AKT3: variants seen among roughly 807,000 people sequenced by gnomAD.
AKT3 encodes RAC-gamma serine/threonine-protein kinase.
Under a neutral mutation model 65.3 loss-of-function variants are expected in AKT3, and 15 were observed. The observed-to-expected ratio is 0.23, with a 90% confidence interval of 0.15 to 0.35. AKT3 has a LOEUF of 0.35. AKT3 is among the 10% of genes least tolerant of loss of function. The pLI is 1.00. For missense variants in AKT3, 243 were observed against 576.5 expected, an observed-to-expected ratio of 0.42 and a Z score of 5.92; for synonymous variants, 206 against 183.8, an observed-to-expected ratio of 1.12 and a Z score of -0.98.
chr1:243,585,511 C>G (rs1279088500), intron 8 of AKT3, among the ~76,000 whole-genome samples: 1 of 152,000 alleles, frequency 6.6e-6, no homozygotes, highest in Non-Finnish European at 1.5e-5. Context: ...CTACAGCAAC[C>G]AAAACAGCAT....
chr1:243,585,269 G>A (rs1185927263), intron 8 of AKT3, among the ~76,000 whole-genome samples: 9 of 152,058 alleles, frequency 5.9e-5, no homozygotes, highest in African/African-American at 2.2e-4. Context: ...TCCATGCTCA[G>A]GGACTGGAAG....
intron 4 of AKT3, among the ~76,000 whole-genome samples, chr1:243,655,961 G>A (rs1681750784): frequency 6.6e-6 from 1 of 152,140 alleles, no homozygotes; most frequent in Admixed American, 6.6e-5. Context: ...GCTCTCTGGT[G>A]TCTTTTTAAA....
At chr1:243,776,473 A>G (rs1465112351) in intron 2 of AKT3, among the ~76,000 whole-genome samples, 2 of 152,136 alleles carry the variant, frequency 1.3e-5, no homozygotes, top group Non-Finnish European at 2.9e-5. Flanking sequence ...GACCCAAAAG[A>G]GCTTGCTCAC....
At chr1:243,640,052 T>C (rs1351921180) in intron 5 of AKT3, among the ~76,000 whole-genome samples, 1 of 152,236 alleles carries the variant, frequency 6.6e-6, no homozygotes, top group African/African-American at 2.4e-5. Context: ...TTGCTGCTCA[T>C]ATTTTTTATA....
chr1:243,683,956 A>G (rs544594063), intron 3 of AKT3, among the ~76,000 whole-genome samples: 2 of 152,330 alleles, frequency 1.3e-5, no homozygotes, highest in South Asian at 4.1e-4. Flanking sequence ...TAAAAAGGGA[A>G]TAACAACAGT....
chr1:243,834,360 A>G (rs1411733898), intron 2 of AKT3, among the ~76,000 whole-genome samples: 1 of 152,188 alleles, frequency 6.6e-6, no homozygotes, highest in Non-Finnish European at 1.5e-5. Flanking sequence ...TTGCAGCAAC[A>G]TGGATGGAGC....
intron 2 of AKT3, among the ~76,000 whole-genome samples, chr1:243,773,202 T>TATA (rs1690307804): frequency 6.9e-6 from 1 of 144,448 alleles, no homozygotes; most frequent in African/African-American, 2.6e-5. Context: ...CATATATATA[T>TATA]AAAAAATATA....
At chr1:243,800,208 G>A (rs1474137000) in intron 2 of AKT3, among the ~76,000 whole-genome samples, 1 of 152,164 alleles carries the variant, frequency 6.6e-6, no homozygotes, top group African/African-American at 2.4e-5. Context: ...CTTGCTAGGT[G>A]TACAACCTTA....
At chr1:243,783,120 CAA>C (rs1228221824) in intron 2 of AKT3, among the ~76,000 whole-genome samples, 1 of 152,042 alleles carries the variant, frequency 6.6e-6, no homozygotes. Context: ...TCTGGAGTGA[CAA>C]GAGTGTCCTT....
chr1:243,570,213 A>G (rs987767413), intron 9 of AKT3, among the ~76,000 whole-genome samples: 44 of 152,334 alleles, frequency 2.9e-4, no homozygotes, highest in African/African-American at 9.6e-4. Context: ...ACGGGTATGG[A>G]TTTACTTGAG....
At chr1:243,788,427 G>C (rs1691404816) in intron 2 of AKT3, among the ~76,000 whole-genome samples, 1 of 152,024 alleles carries the variant, frequency 6.6e-6, no homozygotes, top group Admixed American at 6.6e-5. Flanking sequence ...GCTATCCCTG[G>C]GTATTCGTGG....
chr1:243,537,099 C>T (rs1049655539), intron 12 of AKT3, among the ~76,000 whole-genome samples: 43 of 152,240 alleles, frequency 2.8e-4, no homozygotes, highest in African/African-American at 9.6e-4. Flanking sequence ...AACTCTGGCA[C>T]GATGCTTCAC....
chr1:243,550,112 A>G (rs1672944637), intron 11 of AKT3, among the ~76,000 whole-genome samples: 1 of 152,198 alleles, frequency 6.6e-6, no homozygotes, highest in Admixed American at 6.5e-5. Context: ...GACAAAGCCA[A>G]TAATTTCAAC....
At chr1:243,811,130 C>G (rs1693115213) in intron 2 of AKT3, among the ~76,000 whole-genome samples, 1 of 152,198 alleles carries the variant, frequency 6.6e-6, no homozygotes, top group Non-Finnish European at 1.5e-5. Context: ...GGGATGCCCT[C>G]TCTCACCACT....
chr1:243,534,244 T>C (rs930335697), intron 12 of AKT3, among the ~76,000 whole-genome samples: 3 of 152,186 alleles, frequency 2.0e-5, no homozygotes, highest in Non-Finnish European at 2.9e-5. Context: ...GCTATATTAA[T>C]TTAAGACAAA....
chr1:243,635,053 G>T (rs1392292144), intron 6 of AKT3, among the ~76,000 whole-genome samples: 1 of 151,910 alleles, frequency 6.6e-6, no homozygotes, highest in Non-Finnish European at 1.5e-5. Flanking sequence ...CGTTCTCCAG[G>T]ATAGATCATA....
chr1:243,640,372 C>G (rs1680281909), intron 5 of AKT3, among the ~76,000 whole-genome samples: 1 of 152,188 alleles, frequency 6.6e-6, no homozygotes, highest in Non-Finnish European at 1.5e-5. Context: ...GCACATTCCA[C>G]TCTTCCCATG....
intron 2 of AKT3, among the ~76,000 whole-genome samples, chr1:243,711,233 C>T (rs563482895): frequency 9.9e-5 from 15 of 152,142 alleles, no homozygotes; most frequent in Middle Eastern, 3.4e-3. Flanking sequence ...GCAGGAGAAT[C>T]GCTTGAAACC....
intron 8 of AKT3, among the ~76,000 whole-genome samples, chr1:243,609,674 C>G (rs1234809014): frequency 1.3e-5 from 2 of 151,934 alleles, no homozygotes; most frequent in Non-Finnish European, 2.9e-5. Context: ...TCACTTGCTT[C>G]AAAATATTAA....
Sources: allele counts gnomAD v4.1 joint callset (sites outside exome capture counted in the v4.1 genomes callset), GRCh38; gene constraint gnomAD v4.1.1; transcripts MANE v1.5; gene names NCBI Gene and HGNC (gene_info 2026-07-23, HGNC 2026-07-21).